The following CYP2R1 variants were observed in gnomAD, a reference collection of about 807,000 sequenced individuals.
CYP2R1 encodes the protein cytochrome P450 family 2 subfamily R member 1.
Under a neutral mutation model 45.7 loss-of-function variants are expected in CYP2R1, and 40 were observed. The observed-to-expected ratio is 0.87, with a 90% CI of 0.68 to 1.14. CYP2R1 has a LOEUF of 1.14. Ranked by LOEUF, CYP2R1 falls within the 50% of genes most tolerant of loss-of-function variation. The probability of loss-of-function intolerance (pLI) is 0.00; values close to 1 mark genes in which losing one functional copy is unlikely to be tolerated. For missense variants in CYP2R1, 605 were observed against 602.6 expected, an observed-to-expected ratio of 1.00 and a Z score of -0.04; for synonymous variants, 234 against 219.3, an observed-to-expected ratio of 1.07 and a Z score of -0.59.
chr11:14,891,511 A>G, intron 1 of CYP2R1: 1 of 994,430 alleles, frequency 1.0e-6, no homozygotes, highest in Admixed American at 5.9e-5. Context: ...TCGTTCGTCG[A>G]CTGCAGACAC....
chr11:14,884,710 AAG>A (rs1423276523), intron 2 of CYP2R1, among the ~76,000 whole-genome samples: 2 of 152,042 alleles, frequency 1.3e-5, no homozygotes, highest in Non-Finnish European at 2.9e-5. Flanking sequence ...AAATTAAAAA[AAG>A]AAATAAAAAA....
chr11:14,890,844 G>A (rs1413157466), intron 1 of CYP2R1: 7 of 984,802 alleles, frequency 7.1e-6, no homozygotes, highest in East Asian at 1.1e-4. Context: ...CACCGCGCCC[G>A]GGCACCTAGA....
intron 4 of CYP2R1, 89 bp downstream of exon 4, chr11:14,879,025 A>G (rs1342607700): frequency 1.9e-6 from 2 of 1,062,438 alleles, no homozygotes; most frequent in African/African-American, 3.2e-5. Flanking sequence ...ATTTAATTCT[A>G]TAGAAGGATG....
At chr11:14,892,311 C>A, upstream of CYP2R1, 1 of 1,121,714 alleles carries the variant, frequency 8.9e-7, no homozygotes, top group South Asian at 1.4e-5. Flanking sequence ...CCCGCCCTAG[C>A]TCCGTGGCCA....
chr11:14,886,027 T>A (rs1555014560), intron 1 of CYP2R1, 110 bp from the exon 2 acceptor site: 1 of 1,055,310 alleles, frequency 9.5e-7, no homozygotes. Flanking sequence ...GTTACGTCCC[T>A]GAAAATATAG....
intron 2 of CYP2R1, among the ~76,000 whole-genome samples, chr11:14,884,969 T>A (rs1848557307): frequency 6.6e-6 from 1 of 152,168 alleles, no homozygotes; most frequent in African/African-American, 2.4e-5. Context: ...GGCCTGAGAA[T>A]TCAGTCTTTT....
chr11:14,879,040 A>C, intron 4 of CYP2R1, 74 bp downstream of exon 4: 1 of 1,191,520 alleles, frequency 8.4e-7, no homozygotes, highest in Non-Finnish European at 1.2e-6. Context: ...AGGATGCTTC[A>C]GATTAAGATG....
At chr11:14,886,230 A>G (rs1365030576) in intron 1 of CYP2R1, 8 of 314,652 alleles carry the variant, frequency 2.5e-5, no homozygotes, top group East Asian at 6.5e-5. Flanking sequence ...CTCTGAGCAG[A>G]ACACTTAACC....
At chr11:14,880,070 G>T in intron 3 of CYP2R1, 66 bp downstream of exon 3, 1 of 1,549,814 alleles carries the variant, frequency 6.5e-7, no homozygotes, top group Non-Finnish European at 8.9e-7. Context: ...GCATGGCCAA[G>T]ACTCAAAAAC....
intron 2 of CYP2R1, among the ~76,000 whole-genome samples, chr11:14,883,131 G>A (rs1848459463): frequency 6.6e-6 from 1 of 152,114 alleles, no homozygotes; most frequent in African/African-American, 2.4e-5. Flanking sequence ...TAGATTCAAT[G>A]CCATCCCCAT....
chr11:14,878,881 G>A (rs1848259056), intron 4 of CYP2R1, among the ~76,000 whole-genome samples: 1 of 152,026 alleles, frequency 6.6e-6, no homozygotes, highest in African/African-American at 2.4e-5. Flanking sequence ...AGATTTAGAA[G>A]AAGCCAGGGG....
Position 14,891,996 on chromosome 11 carries a change from G to A in CYP2R1, c.210C>T (p.Ser70=). 6.2e-7 allele frequency: 1 copy of A among 1,613,368 alleles called. No individual in the cohort carries two copies. The highest frequency in any genetic ancestry group is 8.5e-7 in the Non-Finnish European group (1 of 1,179,780). Residue 70 remains serine (S), a synonymous_variant, in exon 1 of 5, where the codon AGC becomes AGT. Coordinates refer to ENST00000334636, the MANE Select transcript of CYP2R1 (RefSeq NM_024514.5). ...GGGGCTGTACCTCTCCGTACACCTG[G>A]CTCTGCTTTCTCATGTAGACATGGG... The part of the protein sequence containing the change: ...ELPHVYMRKQ[S]QVYGEIFSLD...
chr11:14,881,075 T>G (rs973081007), intron 2 of CYP2R1, among the ~76,000 whole-genome samples: 1 of 152,136 alleles, frequency 6.6e-6, no homozygotes, highest in Non-Finnish European at 1.5e-5. Flanking sequence ...CAACTTTTAC[T>G]ATAAGCCTAA....
In CYP2R1 at chr11:14,880,618, T is replaced by C; in HGVS notation, c.518A>G (p.Lys173Arg). 1 of 1,610,008 alleles carries C rather than the reference T, an allele frequency of 6.2e-7. No individual in the cohort carries two copies. Among genetic ancestry groups the C allele is most frequent in the Non-Finnish European group, 8.5e-7 (1 of 1,177,738 alleles). Residue 173 changes from lysine to arginine, a missense_variant, in exon 3 of 5, where the codon AAA (lysine) becomes AGA (arginine). Coordinates refer to ENST00000334636, the MANE Select transcript of CYP2R1 (RefSeq NM_024514.5). The part of the protein sequence containing the change: ...KFFNDAIETY[K>R]GRPFDFKQLI... ...CTGTTTAAAGTCAAAAGGTCTACCTTTGTATGTTTCAATAGCATCATTGAA... is the reference window on the plus strand; with the variant it reads ...CTGTTTAAAGTCAAAAGGTCTACCTCTGTATGTTTCAATAGCATCATTGAA...
At chr11:14,890,441 C>T in intron 1 of CYP2R1, 1 of 981,470 alleles carries the variant, frequency 1.0e-6, no homozygotes, top group Non-Finnish European at 1.2e-6. Context: ...CCTTTATTAT[C>T]TCGTCCAGCT....
chr11:14,892,418 A>G (rs1848898938), upstream of CYP2R1, among the ~76,000 whole-genome samples: 3 of 152,202 alleles, frequency 2.0e-5, no homozygotes, highest in Admixed American at 2.0e-4. Context: ...GGCCGGTGCT[A>G]CCCTTTGGAG....
In CYP2R1 at chr11:14,879,368, G is replaced by A. The variant is rs566519289; in HGVS notation, c.1076C>T (p.Pro359Leu). 2.5e-6 allele frequency: 4 copies of A among 1,611,402 alleles called. No individual in the cohort carries two copies. In the South Asian group the frequency reaches 4.4e-5, roughly 18 times the overall value. ...KPSWDDKCKMPYTEAVLHEVL... is the reference protein window; with the variant it reads ...KPSWDDKCKMLYTEAVLHEVL... ...TTCATGCAAAACTGCCTCAGTATAAGGCATTTTGCATTTGTCGTCCCAAGA... is the reference window on the plus strand; with the variant it reads ...TTCATGCAAAACTGCCTCAGTATAAAGCATTTTGCATTTGTCGTCCCAAGA... Residue 359 changes from proline (P) to leucine (L), a missense_variant, in exon 4 of 5, where the codon CCT (proline) becomes CTT (leucine). Transcript: ENST00000334636.
At chr11:14,885,594 T>C (rs1286751540) in intron 2 of CYP2R1, among the ~76,000 whole-genome samples, 182 bp downstream of exon 2, 1 of 152,186 alleles carries the variant, frequency 6.6e-6, no homozygotes, top group East Asian at 1.9e-4. Flanking sequence ...GAATTAGCAA[T>C]GTACTGGTCT....
intron 1 of CYP2R1, 31 bp from the exon 2 acceptor site, chr11:14,885,948 A>G (rs1555014424): frequency 6.2e-7 from 1 of 1,605,978 alleles, no homozygotes; most frequent in East Asian, 2.2e-5. Context: ...CAACATTTAA[A>G]TGACAGCATG....
Sources: gnomAD v4.1 joint callset for allele counts (sites outside exome capture counted in the v4.1 genomes callset) on GRCh38, gnomAD v4.1.1 for gene constraint, MANE v1.5 for transcripts, NCBI Gene and HGNC (gene_info 2026-07-23, HGNC 2026-07-21) for gene names.